The following DCLK1 variants were observed in gnomAD, a reference collection of about 807,000 sequenced individuals.
DCLK1 encodes the protein doublecortin like kinase 1, also known as serine/threonine-protein kinase DCLK1.
DCLK1 carries 16 observed loss-of-function variants against 86.2 expected under a neutral mutation model. The observed-to-expected ratio is 0.19, with a 90% CI of 0.13 to 0.28. The LOEUF is 0.28. Ranked by LOEUF, DCLK1 falls within the 10% of genes least tolerant of loss-of-function variation. The pLI is 1.00. For synonymous variants in DCLK1, 369 were observed against 370.5 expected (o/e 1.00, Z 0.05); for missense variants, 590 against 940.2 (o/e 0.63, Z 4.87).
At chr13:36,070,629 T>TATTTTTTTAACTTA (rs1242911863) in intron 3 of DCLK1, among the ~76,000 whole-genome samples, 1 of 134,582 alleles carries the variant, frequency 7.4e-6, no homozygotes, top group Non-Finnish European at 1.6e-5. Flanking sequence ...CATCTTTATT[T>TATTTTTTTAACTTA]ATTTTTTTAA....
intron 3 of DCLK1, among the ~76,000 whole-genome samples, chr13:36,057,990 C>T (rs1883399498): frequency 6.6e-6 from 1 of 152,084 alleles, no homozygotes; most frequent in Non-Finnish European, 1.5e-5. Flanking sequence ...TATAAACAGT[C>T]ACTGTTTTTC....
At chr13:35,994,153 A>G (rs971424835) in intron 3 of DCLK1, among the ~76,000 whole-genome samples, 2 of 152,070 alleles carry the variant, frequency 1.3e-5, no homozygotes, top group Non-Finnish European at 2.9e-5. Context: ...AGGTTGGGGC[A>G]TGGTGATTTT....
At chr13:35,817,469 T>G (rs2087295931) in intron 11 of DCLK1, among the ~76,000 whole-genome samples, 1 of 152,226 alleles carries the variant, frequency 6.6e-6, no homozygotes, top group Admixed American at 6.5e-5. Flanking sequence ...GACATTTAAA[T>G]TTCAAAGAAA....
intron 3 of DCLK1, among the ~76,000 whole-genome samples, chr13:35,976,357 G>T (rs990855084): frequency 1.3e-5 from 2 of 152,012 alleles, no homozygotes; most frequent in Middle Eastern, 3.4e-3. Flanking sequence ...TCAGCATCTT[G>T]CCGAGGCTGG....
At chr13:35,869,877 T>A (rs1235545829) in intron 5 of DCLK1, among the ~76,000 whole-genome samples, 1 of 152,114 alleles carries the variant, frequency 6.6e-6, no homozygotes, top group Non-Finnish European at 1.5e-5. Flanking sequence ...TCACCTGGAG[T>A]ACTTGCTGAA....
intron 4 of DCLK1, among the ~76,000 whole-genome samples, chr13:35,881,102 G>A (rs1872870711): frequency 6.6e-6 from 1 of 152,100 alleles, no homozygotes; most frequent in South Asian, 2.1e-4. Context: ...ACATGCCGGG[G>A]AAAAACCCCC....
intron 3 of DCLK1, among the ~76,000 whole-genome samples, chr13:36,079,466 T>C (rs1418403437): frequency 6.6e-6 from 1 of 151,754 alleles, no homozygotes; most frequent in Non-Finnish European, 1.5e-5. Context: ...CCTGTCTCTA[T>C]TTAAAATACA....
chr13:35,962,563 A>G (rs1878515049), intron 3 of DCLK1, among the ~76,000 whole-genome samples: 1 of 152,198 alleles, frequency 6.6e-6, no homozygotes, highest in Non-Finnish European at 1.5e-5. Context: ...AGCCACTCAG[A>G]TCATGGTTAT....
At chr13:35,887,055 A>G (rs1370770648) in intron 4 of DCLK1, among the ~76,000 whole-genome samples, 1 of 152,236 alleles carries the variant, frequency 6.6e-6, no homozygotes, top group Non-Finnish European at 1.5e-5. Context: ...CCAACTGGAA[A>G]GACGAAATAG....
chr13:35,836,928 T>C (rs1869427300), intron 7 of DCLK1, among the ~76,000 whole-genome samples: 2 of 152,210 alleles, frequency 1.3e-5, no homozygotes, highest in African/African-American at 4.8e-5. Flanking sequence ...CTGAATAACC[T>C]TTAACATCTT....
intron 3 of DCLK1, among the ~76,000 whole-genome samples, chr13:35,957,779 C>G (rs1001427417): frequency 6.6e-6 from 1 of 152,120 alleles, no homozygotes; most frequent in Non-Finnish European, 1.5e-5. Context: ...GAATCTACTT[C>G]TCTGCATATA....
At chr13:35,826,181 CAAACATGACAATACCCTTGTTACTAAAAA>C (rs1868399389) in intron 10 of DCLK1, among the ~76,000 whole-genome samples, 3 of 151,824 alleles carry the variant, frequency 2.0e-5, no homozygotes, top group African/African-American at 7.3e-5. Flanking sequence ...CCCTCAGCCT[CAAACATGACAATACCCTTGTTACTAAAAA>C]AAGGCTCCCA....
chr13:36,021,012 CTT>C (rs2153150569), intron 3 of DCLK1, among the ~76,000 whole-genome samples: 1 of 152,240 alleles, frequency 6.6e-6, no homozygotes, highest in African/African-American at 2.4e-5. Flanking sequence ...GTTTGTAACA[CTT>C]TTCTTCTATC....
chr13:35,952,409 T>C (rs1231811387), intron 3 of DCLK1, among the ~76,000 whole-genome samples: 1 of 152,158 alleles, frequency 6.6e-6, no homozygotes, highest in African/African-American at 2.4e-5. Flanking sequence ...AACACAAAGG[T>C]GGGACACGGT....
intron 4 of DCLK1, among the ~76,000 whole-genome samples, chr13:35,894,774 C>T (rs1388333234): frequency 6.6e-6 from 1 of 152,162 alleles, no homozygotes; most frequent in Non-Finnish European, 1.5e-5. Context: ...CAGAGAGGAC[C>T]AAGAGAAGAT....
At chr13:35,850,678 T>C in intron 6 of DCLK1, 1 of 1,515,018 alleles carries the variant, frequency 6.6e-7, no homozygotes, top group South Asian at 1.4e-5. Context: ...ATGTGAAACC[T>C]TCACCCAATC....
chr13:35,877,336 T>C (rs1872646534), intron 4 of DCLK1, among the ~76,000 whole-genome samples: 1 of 152,086 alleles, frequency 6.6e-6, no homozygotes, highest in Admixed American at 6.6e-5. Flanking sequence ...TCAGAAACAG[T>C]TGGTAGGTAG....
intron 3 of DCLK1, among the ~76,000 whole-genome samples, chr13:36,005,957 T>C (rs548401766): frequency 6.6e-6 from 1 of 151,230 alleles, no homozygotes; most frequent in Non-Finnish European, 1.5e-5. Context: ...AAAGTGAGAG[T>C]TGAACAATGA....
intron 4 of DCLK1, among the ~76,000 whole-genome samples, chr13:35,916,243 TG>T (rs1183608775): frequency 1.3e-5 from 2 of 152,192 alleles, no homozygotes; most frequent in Non-Finnish European, 2.9e-5. Flanking sequence ...ACACAGAAAC[TG>T]ATCAGCTATA....
Sources: allele counts gnomAD v4.1 joint callset (sites outside exome capture counted in the v4.1 genomes callset), GRCh38; gene constraint gnomAD v4.1.1; transcripts MANE v1.5; gene names NCBI Gene and HGNC (gene_info 2026-07-23, HGNC 2026-07-21).